PPP1R17: variants seen among roughly 807,000 people sequenced by gnomAD.
The protein encoded by PPP1R17 is G-substrate.
A neutral mutation model predicts 15.9 loss-of-function variants in PPP1R17; 12 were observed. The ratio of observed to expected loss-of-function variants is 0.75; its 90% CI spans 0.48 to 1.22. The LOEUF (loss-of-function observed/expected upper bound fraction) is 1.22. Among genes scored for constraint, PPP1R17 ranks in the 50% most tolerant of loss-of-function variants. The pLI, the probability that PPP1R17 is intolerant of heterozygous loss-of-function variation, is 0.00. For missense variants in PPP1R17, 211 were observed against 187.3 expected (o/e 1.13, Z -0.74); for synonymous variants, 63 against 64.5 (o/e 0.98, Z 0.11).
chr7:31,691,558 G>GA (rs1279435941), intron 1 of PPP1R17, among the ~76,000 whole-genome samples: 1 of 151,938 alleles, frequency 6.6e-6, no homozygotes, highest in African/African-American at 2.4e-5. Flanking sequence ...ATCCATTCTG[G>GA]AATTCCACTG....
rs547291254 is a variant in PPP1R17 at position 31,700,735 on chromosome 7, G to A, written c.388+3618G>A. On this transcript the variant is annotated intron_variant, in intron 4 of 4. Coordinates refer to ENST00000342032, the MANE Select transcript of PPP1R17 (RefSeq NM_006658.5). ...GATAATGCCCCGGTGACTTTAAGTTGCAGCCAATGCTCATTTACTATTCTG... is the reference window on the plus strand; with the variant it reads ...GATAATGCCCCGGTGACTTTAAGTTACAGCCAATGCTCATTTACTATTCTG... 5.9e-5 allele frequency among the ~76,000 whole-genome samples: 9 copies of A among 152,206 alleles called. No homozygotes were observed. In the South Asian group the frequency reaches 1.9e-3, roughly 32 times the overall value.
At chr7:31,701,284 G>A (rs1023715161) in intron 4 of PPP1R17, among the ~76,000 whole-genome samples, 29 of 152,186 alleles carry the variant, frequency 1.9e-4, no homozygotes, top group African/African-American at 7.0e-4. Context: ...GAGTTTGAGA[G>A]GTTCAAGACT....
At chr7:31,694,066 T>C (rs1386661763) in intron 2 of PPP1R17, among the ~76,000 whole-genome samples, 1 of 152,210 alleles carries the variant, frequency 6.6e-6, no homozygotes, top group African/African-American at 2.4e-5. Flanking sequence ...AAATATTTAT[T>C]AATTGCTGCT....
chr7:31,707,534 C>A lies in PPP1R17; in HGVS notation c.*251C>A. The A allele has an allele frequency of 2.2e-6, 1 of 444,524 alleles. No homozygotes were observed. The allele number at this position is 444,524 out of a possible 1,614,324, so 27.5% of individuals were successfully genotyped here. On this transcript the variant is annotated 3_prime_UTR_variant, in exon 5 of 5. Coordinates refer to ENST00000342032, the MANE Select transcript of PPP1R17 (RefSeq NM_006658.5). ...ATGCAGTGGAAAAGAAACAGATCAT[C>A]CTAAATGAGGAGGTAACAGGGAAAG...
At position 31,692,574 on chromosome 7, in the gene PPP1R17, C is replaced by T. The variant is rs370208639; in HGVS notation, c.82+51C>T. On this transcript the variant is annotated intron_variant, in intron 2 of 4. Transcript: ENST00000342032. ...TCAGTGGTGGAAGTCAGAGAAGAGGCGTCTCAGCCATTTGGTTTGCAGGCA... is the reference window on the plus strand; with the variant it reads ...TCAGTGGTGGAAGTCAGAGAAGAGGTGTCTCAGCCATTTGGTTTGCAGGCA... 3.8e-4 allele frequency: 581 copies of T among 1,513,928 alleles called. 8 individuals are homozygous for T. In the South Asian group the frequency reaches 4.2e-3, roughly 11 times the overall value. The allele number at this position is 1,513,928 out of a possible 1,614,324, so 93.8% of individuals were successfully genotyped here.
At chr7:31,704,760 G>A (rs1299230477) in intron 4 of PPP1R17, among the ~76,000 whole-genome samples, 1 of 152,174 alleles carries the variant, frequency 6.6e-6, no homozygotes, top group Non-Finnish European at 1.5e-5. Flanking sequence ...GGTAGGTTAA[G>A]TGAGTGCTCA....
chr7:31,695,376 C>G, intron 2 of PPP1R17, 93 bp from the exon 3 acceptor site: 1 of 1,183,154 alleles, frequency 8.5e-7, no homozygotes, highest in Non-Finnish European at 1.2e-6. Context: ...TCACCTCTGT[C>G]CTGTCATCAA....
chr7:31,696,565 G>C (rs1177487087), intron 3 of PPP1R17, among the ~76,000 whole-genome samples: 2 of 152,122 alleles, frequency 1.3e-5, no homozygotes, highest in African/African-American at 4.8e-5. Context: ...GACGCAGCTT[G>C]CAATACATCA....
At chr7:31,696,498 A>C (rs1792589077) in intron 3 of PPP1R17, among the ~76,000 whole-genome samples, 1 of 152,224 alleles carries the variant, frequency 6.6e-6, no homozygotes, top group African/African-American at 2.4e-5. Context: ...GAAAAATTTC[A>C]CTGTAGCATA....
chr7:31,704,202 C>T (rs992667829), intron 4 of PPP1R17, among the ~76,000 whole-genome samples: 1 of 152,208 alleles, frequency 6.6e-6, no homozygotes, highest in Non-Finnish European at 1.5e-5. Context: ...TCAGGATGTC[C>T]ATTGAAAGTG....
Position 31,706,848 on chromosome 7 carries a change from T to C in PPP1R17, c.389-356T>C, listed in dbSNP as rs185781055. Among the ~76,000 whole-genome samples the C allele has an allele frequency of 1.3e-4, 20 of 152,352 alleles. No homozygotes were observed. The East Asian group carries it at 3.7e-3, about 28-fold the overall frequency. ...AGAAGATTTAGGTGTGAATGTGTTT[T>C]CTGGCCCAACACAGATTAAGTGAGT... is the stretch of plus-strand genomic sequence containing the variant. On this transcript the variant is annotated intron_variant, in intron 4 of 4. Transcript: ENST00000342032.
intron 4 of PPP1R17, among the ~76,000 whole-genome samples, chr7:31,702,213 T>G (rs1049151195): frequency 6.6e-6 from 1 of 152,018 alleles, no homozygotes; most frequent in Non-Finnish European, 1.5e-5. Context: ...ATTTATTTTT[T>G]TTTTTGCCTC....
intron 1 of PPP1R17, among the ~76,000 whole-genome samples, chr7:31,689,937 C>A (rs1395203585): frequency 6.6e-6 from 1 of 152,196 alleles, no homozygotes; most frequent in African/African-American, 2.4e-5. Flanking sequence ...TTCTTTAAAT[C>A]ACACTGATTT....
At chr7:31,698,249 GA>G (rs1166317160) in intron 4 of PPP1R17, among the ~76,000 whole-genome samples, 1 of 152,216 alleles carries the variant, frequency 6.6e-6, no homozygotes, top group Admixed American at 6.5e-5. Flanking sequence ...CATCACGACA[GA>G]AACAGTCAGG....
At position 31,704,676 on chromosome 7, in the gene PPP1R17, T is replaced by C. The variant is rs115821008; in HGVS notation, c.389-2528T>C. Among the ~76,000 whole-genome samples, 1,007 of 152,314 alleles carry C rather than the reference T, an allele frequency of 6.6e-3. 9 individuals are homozygous for C. Among genetic ancestry groups the C allele is most frequent in the African/African-American group, 0.023 (957 of 41,568 alleles). On this transcript the variant is annotated intron_variant, in intron 4 of 4. Transcript: ENST00000342032. ...AGCCACAATGTAGGCCTAAGTCTAT[T>C]TGGGGACATCACACACTGTGGAAGA...
chr7:31,707,181 C>T (rs1406768849), intron 4 of PPP1R17, 23 bp from the exon 5 acceptor site: 1 of 1,604,320 alleles, frequency 6.2e-7, no homozygotes, highest in African/African-American at 1.3e-5. Flanking sequence ...TACTTAATTG[C>T]AGGTCTGTGC....
rs1438603813 is a variant in PPP1R17 at position 31,708,243 on chromosome 7, A to G, written c.*960A>G. ...TCTGTGGATGCCCAGGGGAAGGCAT[A>G]CAGGCCTCATCCACCAGGCAATAGA... On this transcript the variant is annotated 3_prime_UTR_variant, in exon 5 of 5. Transcript: ENST00000342032. The G allele has an allele frequency of 2.0e-5, 3 of 152,224 alleles. No individual in the cohort carries two copies. Among genetic ancestry groups the G allele is most frequent in the Non-Finnish European group, 2.9e-5 (2 of 68,054 alleles). The allele number at this position is 152,224 out of a possible 1,614,324, so 9.4% of individuals were successfully genotyped here.
At chr7:31,691,545 C>T (rs1414527582) in intron 1 of PPP1R17, among the ~76,000 whole-genome samples, 1 of 152,058 alleles carries the variant, frequency 6.6e-6, no homozygotes, top group Non-Finnish European at 1.5e-5. Context: ...AGACCTGACA[C>T]ATATCCATTC....
chr7:31,687,779 A>G (rs1329176114), intron 1 of PPP1R17, among the ~76,000 whole-genome samples: 2 of 152,218 alleles, frequency 1.3e-5, no homozygotes, highest in Non-Finnish European at 2.9e-5. Context: ...TTGACAATGA[A>G]TATGTATTTT....
Sources: gnomAD v4.1 joint callset for allele counts (sites outside exome capture counted in the v4.1 genomes callset) on GRCh38, gnomAD v4.1.1 for gene constraint, MANE v1.5 for transcripts, NCBI Gene and HGNC (gene_info 2026-07-23, HGNC 2026-07-21) for gene names.